The following SGCD variants were observed in gnomAD, a reference collection of about 807,000 sequenced individuals.
SGCD encodes the protein sarcoglycan delta, also known as delta-sarcoglycan.
A neutral mutation model predicts 36.6 loss-of-function variants in SGCD; 18 were observed. The ratio of observed to expected loss-of-function variants is 0.49; its 90% CI spans 0.34 to 0.73. The LOEUF (loss-of-function observed/expected upper bound fraction) is 0.73, where lower values mean the gene tolerates loss of function less well. SGCD is among the 30% of genes least tolerant of loss of function. The pLI is 0.01. For synonymous variants in SGCD, 133 were observed against 130.6 expected, an observed-to-expected ratio of 1.02 and a Z score of -0.12; for missense variants, 387 against 346.7, an observed-to-expected ratio of 1.12 and a Z score of -0.92.
chr5:156,723,021 A>AT (rs1755587707), intron 7 of SGCD, among the ~76,000 whole-genome samples: 1 of 152,224 alleles, frequency 6.6e-6, no homozygotes. Context: ...CATTTAAAAA[A>AT]CGAATATGCC....
At chr5:156,242,054 C>G (rs1273328655) in intron 3 of SGCD, among the ~76,000 whole-genome samples, 1 of 152,144 alleles carries the variant, frequency 6.6e-6, no homozygotes, top group Non-Finnish European at 1.5e-5. Flanking sequence ...AAAAATCCTA[C>G]TTACGAATGT....
chr5:155,790,547 A>T, the SGCD span, among the ~76,000 whole-genome samples: 1 of 152,108 alleles, frequency 6.6e-6, no homozygotes. Flanking sequence ...ACCATATTTT[A>T]GTAAAAATAT....
At chr5:156,269,279 C>G (rs1356139350) in intron 3 of SGCD, among the ~76,000 whole-genome samples, 1 of 151,698 alleles carries the variant, frequency 6.6e-6, no homozygotes, top group Non-Finnish European at 1.5e-5. Flanking sequence ...ACCATCCTGG[C>G]TAACATGGTG....
intron 3 of SGCD, among the ~76,000 whole-genome samples, chr5:156,464,529 C>T (rs998077205): frequency 1.3e-5 from 2 of 151,968 alleles, no homozygotes; most frequent in Non-Finnish European, 2.9e-5. Context: ...CTTGAATCTA[C>T]GTTCTTAGGC....
chr5:155,871,364 T>A (rs1755652630), intron 1 of SGCD, among the ~76,000 whole-genome samples: 2 of 152,160 alleles, frequency 1.3e-5, no homozygotes, highest in East Asian at 3.9e-4. Flanking sequence ...GGTCTGCAAA[T>A]CTTCAAGATT....
chr5:156,390,760 A>G (rs574891079), intron 3 of SGCD, among the ~76,000 whole-genome samples: 7 of 152,310 alleles, frequency 4.6e-5, no homozygotes, highest in Non-Finnish European at 7.4e-5. Context: ...TGCATATGAA[A>G]AAAATTTTTT....
chr5:155,849,659 G>C, the SGCD span, among the ~76,000 whole-genome samples: 11 of 152,278 alleles, frequency 7.2e-5, no homozygotes, highest in African/African-American at 2.6e-4. Context: ...TCAATTAATA[G>C]TGTGAGATGT....
intron 1 of SGCD, among the ~76,000 whole-genome samples, chr5:156,022,602 A>G (rs1759131298): frequency 6.6e-6 from 1 of 152,166 alleles, no homozygotes; most frequent in South Asian, 2.1e-4. Flanking sequence ...CTTTCCCAAT[A>G]ATGGATATAA....
chr5:155,880,192 G>C (rs1337963912), intron 1 of SGCD, among the ~76,000 whole-genome samples: 1 of 152,108 alleles, frequency 6.6e-6, no homozygotes, highest in Non-Finnish European at 1.5e-5. Flanking sequence ...TTTAAAGTGA[G>C]AATAAGTTTA....
intron 7 of SGCD, among the ~76,000 whole-genome samples, chr5:156,713,607 AAG>A (rs1300885080): frequency 6.6e-6 from 1 of 152,208 alleles, no homozygotes; most frequent in Non-Finnish European, 1.5e-5. Context: ...AGATCCAGAT[AAG>A]AGGTCCTCAG....
chr5:156,061,974 C>T (rs1290181926), intron 1 of SGCD, among the ~76,000 whole-genome samples: 1 of 79,054 alleles, frequency 1.3e-5, no homozygotes, highest in Non-Finnish European at 2.2e-5. Flanking sequence ...GGTACATGTG[C>T]ACATTGTGCA....
rs968737139 is a variant in SGCD, at chr5:156,761,249, G to A, written c.*1859G>A. The A allele has an allele frequency of 2.0e-5, 3 of 152,232 alleles. No individual in the cohort carries two copies. The highest frequency in any genetic ancestry group is 1.3e-4 in the Admixed American group (2 of 15,278). The allele number at this position is 152,232 out of a possible 1,614,324, so 9.4% of individuals were successfully genotyped here. A position where few individuals can be genotyped will look rare whatever the true frequency, so the allele number is the denominator to read the frequency against. On this transcript the variant is annotated 3_prime_UTR_variant, in exon 9 of 9. Coordinates refer to ENST00000337851, the MANE Select transcript of SGCD (RefSeq NM_000337.6). ...TTAGTCACTTACTTAGAAGTAGATGGTGGGGGACAGCGGCGTGGGTCCTAG... is the reference window on the plus strand; with the variant it reads ...TTAGTCACTTACTTAGAAGTAGATGATGGGGGACAGCGGCGTGGGTCCTAG...
intron 1 of SGCD, among the ~76,000 whole-genome samples, chr5:156,113,523 G>A (rs771590194): frequency 6.6e-6 from 1 of 152,224 alleles, no homozygotes; most frequent in South Asian, 2.1e-4. Flanking sequence ...GATTAATATC[G>A]TTTGTGTGTG....
At chr5:156,336,036 G>C (rs1442326113) in intron 2 of SGCD, among the ~76,000 whole-genome samples, 1 of 152,170 alleles carries the variant, frequency 6.6e-6, no homozygotes, top group African/African-American at 2.4e-5. Context: ...AGTGGTTACT[G>C]TTGCTTTCTG....
chr5:156,606,032 A>G (rs1761431814), intron 6 of SGCD, among the ~76,000 whole-genome samples: 1 of 152,310 alleles, frequency 6.6e-6, no homozygotes, highest in Middle Eastern at 3.4e-3. Flanking sequence ...TTTGCTGTGC[A>G]GAAGCTCTTT....
At chr5:155,912,111 A>G (rs1756642189) in intron 1 of SGCD, among the ~76,000 whole-genome samples, 1 of 151,908 alleles carries the variant, frequency 6.6e-6, no homozygotes, top group African/African-American at 2.4e-5. Flanking sequence ...TGGAACTGAT[A>G]CCTCCTTTGT....
chr5:156,376,260 AGAGT>A (rs1770664473), intron 3 of SGCD, among the ~76,000 whole-genome samples: 1 of 152,230 alleles, frequency 6.6e-6, no homozygotes, highest in South Asian at 2.1e-4. Flanking sequence ...CAGCAAACAT[AGAGT>A]GAGAGAACAC....
At chr5:156,408,365 T>TC (rs1163951223) in intron 3 of SGCD, among the ~76,000 whole-genome samples, 3 of 151,990 alleles carry the variant, frequency 2.0e-5, no homozygotes, top group African/African-American at 7.3e-5. Flanking sequence ...TGGATTTTTT[T>TC]TTTTTTTTTT....
chr5:156,732,753 C>T (rs1196264885), intron 7 of SGCD, among the ~76,000 whole-genome samples: 1 of 152,074 alleles, frequency 6.6e-6, no homozygotes, highest in Non-Finnish European at 1.5e-5. Flanking sequence ...CTATTTATTA[C>T]TGCCTCAATT....
Sources: gnomAD v4.1 joint callset for allele counts (sites outside exome capture counted in the v4.1 genomes callset) on GRCh38, gnomAD v4.1.1 for gene constraint, MANE v1.5 for transcripts, NCBI Gene and HGNC (gene_info 2026-07-23, HGNC 2026-07-21) for gene names.